GPC6: variants seen among roughly 807,000 people sequenced by gnomAD.
GPC6 encodes the protein glypican 6.
In GPC6, 14 loss-of-function variants were observed where a neutral mutation model predicts 55.2. That is an observed-to-expected ratio of 0.25 (90% CI 0.17 to 0.40). GPC6 has a LOEUF of 0.40. Ranked by LOEUF, GPC6 falls within the 10% of genes least tolerant of loss-of-function variation. GPC6 has a pLI of 1.00. For missense variants in GPC6, 641 were observed against 708.5 expected (o/e 0.90, Z 1.08); for synonymous variants, 278 against 259.6 (o/e 1.07, Z -0.68).
intron 2 of GPC6, among the ~76,000 whole-genome samples, chr13:93,723,518 C>T (rs1007197820): frequency 1.3e-5 from 2 of 151,902 alleles, no homozygotes; most frequent in East Asian, 1.9e-4. Flanking sequence ...TGCAGCTTGG[C>T]GAGAGTCCCA....
At chr13:94,385,607 T>G (rs1010347069) in intron 7 of GPC6, among the ~76,000 whole-genome samples, 4 of 152,118 alleles carry the variant, frequency 2.6e-5, no homozygotes, top group African/African-American at 7.2e-5. Flanking sequence ...ATTGAACAAT[T>G]ACAATTCCAT....
intron 2 of GPC6, among the ~76,000 whole-genome samples, chr13:93,607,594 G>C (rs1486508725): frequency 1.3e-5 from 2 of 152,148 alleles, no homozygotes; most frequent in Non-Finnish European, 1.5e-5. Context: ...CACATACCCT[G>C]GGGGGAGACA....
intron 2 of GPC6, among the ~76,000 whole-genome samples, chr13:93,735,509 A>C (rs2138841781): frequency 6.7e-6 from 1 of 149,174 alleles, no homozygotes; most frequent in South Asian, 2.1e-4. Flanking sequence ...TGACAGAGCA[A>C]GACTCCATCT....
intron 7 of GPC6, among the ~76,000 whole-genome samples, chr13:94,394,036 G>A (rs1880789234): frequency 2.0e-5 from 3 of 152,082 alleles, no homozygotes; most frequent in Non-Finnish European, 4.4e-5. Context: ...CTACCCACAG[G>A]GCTGGATGTA....
intron 4 of GPC6, among the ~76,000 whole-genome samples, chr13:94,108,393 A>G (rs1343793459): frequency 6.6e-6 from 1 of 152,148 alleles, no homozygotes; most frequent in Non-Finnish European, 1.5e-5. Context: ...AAGGGTGGGA[A>G]GGGGACGAGG....
intron 1 of GPC6, among the ~76,000 whole-genome samples, chr13:93,252,068 C>G (rs959989025): frequency 6.6e-6 from 1 of 152,128 alleles, no homozygotes; most frequent in Non-Finnish European, 1.5e-5. Context: ...TGAATGTGCA[C>G]CAGAATCATC....
chr13:93,632,115 A>C (rs749266949), intron 2 of GPC6, among the ~76,000 whole-genome samples: 1 of 152,184 alleles, frequency 6.6e-6, no homozygotes, highest in Non-Finnish European at 1.5e-5. Flanking sequence ...AGACTAAAAG[A>C]AAGAAGGTAT....
chr13:93,355,470 G>A (rs1292102178), intron 1 of GPC6, among the ~76,000 whole-genome samples: 1 of 152,168 alleles, frequency 6.6e-6, no homozygotes, highest in Admixed American at 6.5e-5. Flanking sequence ...TAGGGTTTGG[G>A]AGGTAAGAAG....
At chr13:93,517,518 C>G (rs987768783) in intron 1 of GPC6, among the ~76,000 whole-genome samples, 1 of 151,994 alleles carries the variant, frequency 6.6e-6, no homozygotes, top group Non-Finnish European at 1.5e-5. Flanking sequence ...TTTTTCCATT[C>G]GCCATAATTA....
intron 1 of GPC6, among the ~76,000 whole-genome samples, chr13:93,405,950 G>C (rs186468183): frequency 2.0e-5 from 3 of 152,318 alleles, no homozygotes; most frequent in South Asian, 4.1e-4. Context: ...CCCATGTCTG[G>C]TAGTTGGTGT....
chr13:93,784,095 T>C lies in GPC6; in HGVS notation c.320-46059T>C, dbSNP rs9589828. On this transcript the variant is annotated intron_variant, in intron 2 of 8. Coordinates refer to ENST00000377047, the MANE Select transcript of GPC6 (RefSeq NM_005708.5). ...TCCCTATGCCTAAGGTACTGCTATG[T>C]ACATAAAGCAGTACCTATACAGTGA... 5.9e-3 allele frequency among the ~76,000 whole-genome samples: 899 copies of C among 152,306 alleles called. 15 individuals carry two copies. The highest frequency in any genetic ancestry group is 0.021 in the African/African-American group (864 of 41,574).
chr13:93,903,240 G>A (rs1566594956), intron 3 of GPC6, among the ~76,000 whole-genome samples: 1 of 152,146 alleles, frequency 6.6e-6, no homozygotes, highest in Non-Finnish European at 1.5e-5. Context: ...ATCAAAGTAA[G>A]ATGTAGCCCT....
At chr13:94,072,599 G>A (rs1294155793) in intron 4 of GPC6, among the ~76,000 whole-genome samples, 8 of 152,170 alleles carry the variant, frequency 5.3e-5, no homozygotes, top group African/African-American at 1.9e-4. Context: ...TGATCTGCCC[G>A]CCTCGGCCTC....
intron 7 of GPC6, among the ~76,000 whole-genome samples, chr13:94,383,948 AACTC>A (rs1271441039): frequency 6.6e-6 from 1 of 152,178 alleles, no homozygotes; most frequent in Non-Finnish European, 1.5e-5. Flanking sequence ...ATCTCATGAG[AACTC>A]ACTCACTATC....
At chr13:94,288,857 A>ACAAAT (rs1874726811) in intron 5 of GPC6, among the ~76,000 whole-genome samples, 4 of 9,234 alleles carry the variant, frequency 4.3e-4, no homozygotes, top group South Asian at 8.0e-3. Context: ...ATATATAATA[A>ACAAAT]ATATATATAT....
chr13:93,258,048 A>G (rs1313428343), intron 1 of GPC6, among the ~76,000 whole-genome samples: 1 of 152,178 alleles, frequency 6.6e-6, no homozygotes, highest in Non-Finnish European at 1.5e-5. Context: ...ACTTTGTAGT[A>G]TTACATTGTC....
intron 2 of GPC6, among the ~76,000 whole-genome samples, chr13:93,590,225 G>A (rs765200593): frequency 7.9e-5 from 12 of 152,150 alleles, no homozygotes; most frequent in Non-Finnish European, 1.8e-4. Flanking sequence ...GGAGCTGTGA[G>A]TTTTCCATTA....
chr13:94,257,866 A>T (rs890866162), intron 4 of GPC6, among the ~76,000 whole-genome samples: 3 of 152,240 alleles, frequency 2.0e-5, no homozygotes. Context: ...GAGACAGACA[A>T]CAAAGAGTGG....
chr13:94,071,067 A>G (rs1884714949), intron 4 of GPC6, among the ~76,000 whole-genome samples: 3 of 152,204 alleles, frequency 2.0e-5, no homozygotes, highest in Admixed American at 2.0e-4. Context: ...CAGGGAAAGA[A>G]GTGAAGGAAT....
Sources: allele counts gnomAD v4.1 joint callset (sites outside exome capture counted in the v4.1 genomes callset), GRCh38; gene constraint gnomAD v4.1.1; transcripts MANE v1.5; gene names NCBI Gene and HGNC (gene_info 2026-07-23, HGNC 2026-07-21).